Variants in GPM6A observed in about 807,000 individuals in gnomAD.
GPM6A encodes neuronal membrane glycoprotein M6-a.
A neutral mutation model predicts 32.1 loss-of-function variants in GPM6A; 7 were observed. That is an observed-to-expected ratio of 0.22 (90% CI 0.12 to 0.41). The LOEUF (loss-of-function observed/expected upper bound fraction) is 0.41, where lower values mean the gene tolerates loss of function less well. Among genes scored for constraint, GPM6A ranks in the 10% least tolerant of loss-of-function variants. The probability of loss-of-function intolerance (pLI) is 1.00; values close to 1 mark genes in which losing one functional copy is unlikely to be tolerated. For synonymous variants in GPM6A, 130 were observed against 123.4 expected (o/e 1.05, Z -0.35); for missense variants, 235 against 347.2 (o/e 0.68, Z 2.57).
At position 175,831,715 on chromosome 4, in the gene GPM6A, CTTTTTTTT is replaced by C. The variant is rs780096379; in HGVS notation, c.-22-19474_-22-19467del. On this transcript the variant is annotated intron_variant, in intron 1 of 7. Transcript: ENST00000280187. ...CTTGTTAAGGCCCATTTAGCCATCT[CTTTTTTTT>C]TTTTTTTTTTTTTTTGACGGAGGTT... Among the ~76,000 whole-genome samples the C allele has an allele frequency of 2.3e-3, 161 of 69,952 alleles. 3 individuals are homozygous for C. The East Asian group carries it at 0.063, about 27-fold the overall frequency. The allele number at this position is 69,952 out of a possible 152,430, so 45.9% of individuals were successfully genotyped here. A position where few individuals can be genotyped will look rare whatever the true frequency, so the allele number is the denominator to read the frequency against.
At chr4:175,691,226 T>C (rs1744280628) in intron 2 of GPM6A, among the ~76,000 whole-genome samples, 1 of 152,156 alleles carries the variant, frequency 6.6e-6, no homozygotes, top group African/African-American at 2.4e-5. Context: ...TCACTGATTA[T>C]GAAGTCACAG....
intron 1 of GPM6A, among the ~76,000 whole-genome samples, chr4:175,728,380 T>A (rs1245441656): frequency 6.6e-6 from 1 of 152,194 alleles, no homozygotes; most frequent in Non-Finnish European, 1.5e-5. Context: ...CTTTGTCAGA[T>A]GTTATTTTGA....
rs201423779 is a variant in GPM6A at position 175,680,901 on chromosome 4, CTT to C, written c.231-7067_231-7066del. The stretch of plus-strand genomic sequence containing the variant: ...TGTACTTTGATCAATGAACAATAGT[CTT>C]TGAAAATTTCTCTATACAAATTCAT... On this transcript the variant is annotated intron_variant, in intron 2 of 6. Coordinates refer to ENST00000393658, the MANE Select transcript of GPM6A (RefSeq NM_201591.3). Among the ~76,000 whole-genome samples, 16 of 152,262 alleles carry C rather than the reference CTT, an allele frequency of 1.1e-4. No individual in the cohort carries two copies. In the East Asian group the frequency reaches 2.3e-3, roughly 22 times the overall value.
chr4:175,692,822 C>A (rs1412901353), intron 2 of GPM6A, among the ~76,000 whole-genome samples: 1 of 151,910 alleles, frequency 6.6e-6, no homozygotes, highest in Non-Finnish European at 1.5e-5. Flanking sequence ...TTTAATGCAC[C>A]TGAAAAATTT....
At chr4:175,986,782 A>G (rs1740989707) in intron 1 of GPM6A, among the ~76,000 whole-genome samples, 1 of 152,268 alleles carries the variant, frequency 6.6e-6, no homozygotes, top group Admixed American at 6.5e-5. Flanking sequence ...AAGGCCAACC[A>G]TCTAACATGT....
chr4:175,723,927 T>C (rs1746271690), intron 1 of GPM6A, among the ~76,000 whole-genome samples: 1 of 152,170 alleles, frequency 6.6e-6, no homozygotes, highest in East Asian at 1.9e-4. Context: ...CAATTAAAAA[T>C]AGACCTACCA....
intron 2 of GPM6A, among the ~76,000 whole-genome samples, chr4:175,695,423 TG>T (rs907225964): frequency 2.1e-4 from 32 of 152,220 alleles, no homozygotes; most frequent in Admixed American, 1.2e-3. Context: ...TCCCAAAGCC[TG>T]GGGGGGCCCA....
intron 1 of GPM6A, among the ~76,000 whole-genome samples, chr4:175,953,134 T>C (rs749636069): frequency 6.6e-6 from 1 of 151,772 alleles, no homozygotes; most frequent in Non-Finnish European, 1.5e-5. Context: ...GAATAGAGCA[T>C]GCATGCATTC....
At chr4:176,001,114 T>C (rs1260039173) in intron 1 of GPM6A, among the ~76,000 whole-genome samples, 1 of 152,174 alleles carries the variant, frequency 6.6e-6, no homozygotes, top group African/African-American at 2.4e-5. Flanking sequence ...GGCTACTGTC[T>C]ATAAACTCCA....
intron 1 of GPM6A, among the ~76,000 whole-genome samples, chr4:175,786,020 C>T (rs1733784569): frequency 6.6e-6 from 1 of 152,138 alleles, no homozygotes; most frequent in Non-Finnish European, 1.5e-5. Flanking sequence ...GAGAGAGCAT[C>T]GCATAAACCT....
chr4:175,637,617 AATATATATTATAT>A (rs1560842442), intron 6 of GPM6A, among the ~76,000 whole-genome samples: 8 of 26,624 alleles, frequency 3.0e-4, no homozygotes, highest in African/African-American at 6.4e-4. Flanking sequence ...TATAATATAT[AATATATATTATAT>A]ATATATTATA....
chr4:175,865,696 G>A (rs1736712555), intron 1 of GPM6A, among the ~76,000 whole-genome samples: 1 of 151,696 alleles, frequency 6.6e-6, no homozygotes, highest in Non-Finnish European at 1.5e-5. Context: ...TATTACAATT[G>A]GTAGTTTTTG....
At chr4:175,872,278 T>G (rs1311064511) in intron 1 of GPM6A, among the ~76,000 whole-genome samples, 1 of 152,212 alleles carries the variant, frequency 6.6e-6, no homozygotes, top group South Asian at 2.1e-4. Context: ...GGTGTCACCC[T>G]GAACACTTGT....
At chr4:175,673,112 A>C (rs2110982719) in intron 3 of GPM6A, among the ~76,000 whole-genome samples, 1 of 152,264 alleles carries the variant, frequency 6.6e-6, no homozygotes, top group South Asian at 2.1e-4. Context: ...TTTCAACCTT[A>C]TTATTTTTCA....
intron 1 of GPM6A, among the ~76,000 whole-genome samples, chr4:175,778,647 A>AAAAG (rs1733494395): frequency 6.7e-6 from 1 of 148,760 alleles, no homozygotes; most frequent in African/African-American, 2.4e-5. Flanking sequence ...AAAAAAAAAA[A>AAAAG]AAAGAAAAAG....
intron 1 of GPM6A, among the ~76,000 whole-genome samples, chr4:175,737,373 C>A (rs983007028): frequency 2.0e-5 from 3 of 151,940 alleles, no homozygotes; most frequent in Non-Finnish European, 4.4e-5. Context: ...CGCCTGTAAT[C>A]CTGCATGCCT....
intron 1 of GPM6A, among the ~76,000 whole-genome samples, chr4:175,703,185 G>A (rs570164530): frequency 6.6e-5 from 10 of 151,742 alleles, no homozygotes; most frequent in African/African-American, 2.2e-4. Context: ...TTTGGGGGTG[G>A]GTGGAAGATG....
intron 1 of GPM6A, among the ~76,000 whole-genome samples, chr4:175,890,487 AATTTT>A (rs56214315): frequency 0.022 from 2,804 of 127,730 alleles, 43 homozygotes; most frequent in South Asian, 0.05. Flanking sequence ...TGTTTAGAGC[AATTTT>A]ATTTTATTTT....
intron 1 of GPM6A, among the ~76,000 whole-genome samples, chr4:175,916,359 G>A (rs774427331): frequency 3.3e-5 from 5 of 152,306 alleles, no homozygotes; most frequent in South Asian, 4.1e-4. Context: ...AGGATCTAAC[G>A]TATACAAGCT....
Sources: gnomAD v4.1 joint callset for allele counts (sites outside exome capture counted in the v4.1 genomes callset) on GRCh38, gnomAD v4.1.1 for gene constraint, MANE v1.5 for transcripts, NCBI Gene and HGNC (gene_info 2026-07-23, HGNC 2026-07-21) for gene names.